The following YTHDC2 variants were observed in gnomAD, a reference collection of about 807,000 sequenced individuals.
YTHDC2 encodes 3'-5' RNA helicase YTHDC2.
In YTHDC2, 45 loss-of-function variants were observed where a neutral mutation model predicts 174.9. The ratio of observed to expected loss-of-function variants is 0.26; its 90% confidence interval spans 0.20 to 0.33. The LOEUF is 0.33. YTHDC2 is among the 10% of genes least tolerant of loss of function. The pLI is 1.00. For synonymous variants in YTHDC2, 657 were observed against 574.5 expected, an observed-to-expected ratio of 1.14 and a Z score of -2.05; for missense variants, 1,650 against 1,723.7, an observed-to-expected ratio of 0.96 and a Z score of 0.76.
rs189455148 is a variant in YTHDC2 at position 113,514,985 on chromosome 5, G to A, written c.188-287G>A. Among the ~76,000 whole-genome samples the A allele has an allele frequency of 3.9e-5, 6 of 152,266 alleles. No individual in the cohort carries two copies. In the East Asian group the frequency reaches 9.6e-4, roughly 24 times the overall value. On this transcript the variant is annotated intron_variant, in intron 1 of 29. Transcript: ENST00000161863. ...CAAAATTCCAGAACAAGTAAGAGGAGTCGTTTTTGGTGAATATCAGAGGCC... is the reference window on the plus strand; with the variant it reads ...CAAAATTCCAGAACAAGTAAGAGGAATCGTTTTTGGTGAATATCAGAGGCC...
At chr5:113,573,500 A>C (rs1443999751) in intron 23 of YTHDC2, among the ~76,000 whole-genome samples, 1 of 152,044 alleles carries the variant, frequency 6.6e-6, no homozygotes, top group Non-Finnish European at 1.5e-5. Flanking sequence ...GATTTCCTGA[A>C]TTTGAATGTT....
chr5:113,572,378 C>T (rs1777782001), intron 23 of YTHDC2, among the ~76,000 whole-genome samples: 1 of 152,194 alleles, frequency 6.6e-6, no homozygotes, highest in East Asian at 1.9e-4. Context: ...GAGTGTTTTA[C>T]TTCCAGTTAT....
chr5:113,570,602 T>C (rs969348215), intron 23 of YTHDC2, among the ~76,000 whole-genome samples: 42 of 152,218 alleles, frequency 2.8e-4, no homozygotes, highest in African/African-American at 9.9e-4. Context: ...GTAGATCATA[T>C]CAACTACAAA....
rs931592912 is a variant in YTHDC2 at position 113,535,786 on chromosome 5, C to A, written c.1090C>A (p.Pro364Thr). The A allele has an allele frequency of 6.2e-7, 1 of 1,607,184 alleles. No individual in the cohort carries two copies. The highest frequency in any genetic ancestry group is 8.5e-7 in the Non-Finnish European group (1 of 1,176,644). ...NLFIRYFGSC[P>T]VIYIQGRPFE... ...CTTTATAAGATATTTTGGAAGTTGT[C>A]CAGTGATATATAGTAAGTTAAATTG... The change falls in exon 7 of 30, where the codon CCA becomes ACA. Residue 364 changes from proline (P) to threonine (T), a missense_variant. Physicochemically the swap from Pro to Thr is conservative, Grantham distance 38. Transcript: ENST00000161863.
At chr5:113,518,038 A>G (rs578127883) in intron 2 of YTHDC2, among the ~76,000 whole-genome samples, 109 of 151,822 alleles carry the variant, frequency 7.2e-4, no homozygotes, top group South Asian at 4.6e-3. Context: ...ACAGGCGCCC[A>G]CCACCACGCC....
intron 21 of YTHDC2, among the ~76,000 whole-genome samples, chr5:113,566,425 G>C (rs1777332134): frequency 1.3e-5 from 2 of 148,732 alleles, no homozygotes; most frequent in Admixed American, 6.7e-5. Context: ...CACAAAAACA[G>C]CTAGTAATAC....
intron 2 of YTHDC2, among the ~76,000 whole-genome samples, chr5:113,520,492 G>T (rs1199535258): frequency 6.6e-6 from 1 of 151,400 alleles, no homozygotes; most frequent in Non-Finnish European, 1.5e-5. Context: ...GAAAATAAAA[G>T]AATCTCTTTT....
chr5:113,591,702 G>C (rs989673822), intron 27 of YTHDC2, among the ~76,000 whole-genome samples: 1 of 151,928 alleles, frequency 6.6e-6, no homozygotes, highest in African/African-American at 2.4e-5. Context: ...AAGCTTAGAG[G>C]TTAGCTTGTA....
Position 113,517,023 on chromosome 5 carries a change from T to G in YTHDC2, c.278+1661T>G, listed in dbSNP as rs573432269. 2.0e-5 allele frequency among the ~76,000 whole-genome samples: 3 copies of G among 152,314 alleles called. No homozygotes were observed. In the East Asian group the frequency reaches 5.8e-4, roughly 29 times the overall value. Reference sequence around the variant, plus strand: ...AAATATAGTTCAGTGCCACAATACTTTATCCAGAAACACTTGGGCTAAATA... The same window carrying G: ...AAATATAGTTCAGTGCCACAATACTGTATCCAGAAACACTTGGGCTAAATA... On this transcript the variant is annotated intron_variant, in intron 2 of 29. Coordinates refer to ENST00000161863, the MANE Select transcript of YTHDC2 (RefSeq NM_022828.5).
At chr5:113,566,157 A>G (rs949715960) in intron 21 of YTHDC2, 138 bp downstream of exon 21, 5 of 1,025,306 alleles carry the variant, frequency 4.9e-6, no homozygotes, top group Non-Finnish European at 5.4e-6. Flanking sequence ...TTCATGCATG[A>G]TTTGTAGACT....
At chr5:113,551,898 T>C (rs1175034691) in intron 12 of YTHDC2, among the ~76,000 whole-genome samples, 1 of 152,184 alleles carries the variant, frequency 6.6e-6, no homozygotes, top group African/African-American at 2.4e-5. Flanking sequence ...TGATAATTGC[T>C]AGTGATAGCA....
intron 7 of YTHDC2, among the ~76,000 whole-genome samples, chr5:113,537,362 T>C (rs1270585503): frequency 4.2e-5 from 1 of 23,848 alleles, no homozygotes; most frequent in Non-Finnish European, 7.3e-5. Flanking sequence ...GCTCTCTCTC[T>C]TTTTTTTTTT....
intron 1 of YTHDC2, 193 bp downstream of exon 1, chr5:113,514,275 G>T: frequency 1.4e-6 from 1 of 728,422 alleles, no homozygotes; most frequent in South Asian, 1.5e-5. Flanking sequence ...TGGAATGCGA[G>T]GTGCTCTGCG....
chr5:113,542,627 T>A, intron 10 of YTHDC2, 124 bp downstream of exon 10: 1 of 794,576 alleles, frequency 1.3e-6, no homozygotes, highest in Non-Finnish European at 1.9e-6. Context: ...TAAAAGTATT[T>A]ATTTTATTTC....
At chr5:113,532,206 G>T (rs1253086669) in intron 4 of YTHDC2, among the ~76,000 whole-genome samples, 1 of 152,132 alleles carries the variant, frequency 6.6e-6, no homozygotes, top group Non-Finnish European at 1.5e-5. Context: ...CGGACATTAA[G>T]TACAGTCATC....
intron 26 of YTHDC2, among the ~76,000 whole-genome samples, chr5:113,590,564 C>A (rs1052997162): frequency 6.6e-6 from 1 of 152,184 alleles, no homozygotes; most frequent in Non-Finnish European, 1.5e-5. Context: ...TTGGAGCTCT[C>A]TTTATGTGCA....
intron 4 of YTHDC2, 134 bp downstream of exon 4, chr5:113,526,919 G>A (rs1284383558): frequency 2.8e-5 from 6 of 212,742 alleles, no homozygotes; most frequent in Non-Finnish European, 9.1e-6. Context: ...GAAACTTGTG[G>A]TTATTATAGT....
Position 113,567,671 on chromosome 5 carries a change from T to C in YTHDC2, c.3066T>C (p.Gly1022=), listed in dbSNP as rs765802131. The C allele has an allele frequency of 1.9e-6, 3 of 1,601,774 alleles. No homozygotes were observed. Among genetic ancestry groups the C allele is most frequent in the Non-Finnish European group, 2.6e-6 (3 of 1,175,726 alleles). Reference sequence around the variant, plus strand: ...CTTAATAGATTCCTCCAGCCAATGGTCAAGCTGCAGCAATTAAGGCACTGC... The same window carrying C: ...CTTAATAGATTCCTCCAGCCAATGGCCAAGCTGCAGCAATTAAGGCACTGC... ...PQYKKIPPAN[G]QAAAIKALPT... Residue 1022 remains glycine, a synonymous_variant, in exon 23 of 30, where the codon GGT becomes GGC. Transcript: ENST00000161863.
intron 12 of YTHDC2, among the ~76,000 whole-genome samples, chr5:113,549,727 G>A (rs1776121061): frequency 6.6e-6 from 1 of 151,784 alleles, no homozygotes; most frequent in African/African-American, 2.4e-5. Context: ...CCTGTTCTAC[G>A]TATTCTTTTT....
Sources: gnomAD v4.1 joint callset for allele counts (sites outside exome capture counted in the v4.1 genomes callset) on GRCh38, gnomAD v4.1.1 for gene constraint, MANE v1.5 for transcripts, NCBI Gene and HGNC (gene_info 2026-07-23, HGNC 2026-07-21) for gene names.